Variants in CNTN1 observed in about 807,000 individuals in gnomAD.
CNTN1 encodes the protein contactin 1, also known as contactin-1.
Under a neutral mutation model 126.4 loss-of-function variants are expected in CNTN1, and 38 were observed. The observed-to-expected ratio is 0.30, with a 90% CI of 0.23 to 0.39. The LOEUF (loss-of-function observed/expected upper bound fraction) is 0.39. Among genes scored for constraint, CNTN1 ranks in the 10% least tolerant of loss-of-function variants. The pLI, the probability that CNTN1 is intolerant of heterozygous loss-of-function variation, is 1.00. For synonymous variants in CNTN1, 413 were observed against 422.6 expected, an observed-to-expected ratio of 0.98 and a Z score of 0.28; for missense variants, 1,009 against 1,248.4, an observed-to-expected ratio of 0.81 and a Z score of 2.89.
intron 23 of CNTN1, chr12:41,061,792 C>T (rs570017665): frequency 3.0e-4 from 136 of 455,804 alleles, no homozygotes; most frequent in Non-Finnish European, 5.2e-4. Context: ...AGAAGTAAAA[C>T]AGCCAAAGAT....
chr12:40,959,267 CAAAAGT>C (rs1947017968), intron 15 of CNTN1, 33 bp downstream of exon 15: 2 of 1,608,726 alleles, frequency 1.2e-6, no homozygotes, highest in African/African-American at 1.3e-5. Flanking sequence ...ATTACAAAAC[CAAAAGT>C]ATTTGACTTG....
intron 1 of CNTN1, among the ~76,000 whole-genome samples, chr12:40,836,338 GATGCAATGATATTATATTC>G (rs1465275612): frequency 1.3e-5 from 2 of 150,034 alleles, no homozygotes; most frequent in African/African-American, 4.9e-5. Context: ...CACTTTAATA[GATGCAATGATATTATATTC>G]ATGTAATATA....
intron 1 of CNTN1, among the ~76,000 whole-genome samples, chr12:40,709,251 CAATGAGCAGT>C (rs1941848462): frequency 6.6e-6 from 1 of 152,194 alleles, no homozygotes; most frequent in Admixed American, 6.5e-5. Context: ...GGTGCATTGT[CAATGAGCAGT>C]AATATTTTGA....
intron 23 of CNTN1, among the ~76,000 whole-genome samples, chr12:41,055,214 A>G (rs887871849): frequency 1.3e-5 from 2 of 152,178 alleles, no homozygotes; most frequent in Admixed American, 6.6e-5. Context: ...AGGATCAACT[A>G]TAACTTTACA....
chr12:40,980,910 C>T lies in CNTN1; in HGVS notation c.1806C>T (p.Gly602=). 1 of 1,613,754 alleles carries T rather than the reference C, an allele frequency of 6.2e-7. No homozygotes were observed. ...SSASADLVVR[G]PPGPPGGLRI... Reference sequence around the variant, plus strand: ...TCATTACCCACATTTTCATTTCAGGCCCTCCAGGCCCTCCAGGTGGTCTGA... The same window carrying T: ...TCATTACCCACATTTTCATTTCAGGTCCTCCAGGCCCTCCAGGTGGTCTGA... Residue 602 remains glycine, a splice_region_variant and synonymous_variant, in exon 16 of 24, where the codon GGC becomes GGT. Transcript: ENST00000551295.
At chr12:40,925,156 T>A (rs910220786) in intron 6 of CNTN1, among the ~76,000 whole-genome samples, 10 of 151,784 alleles carry the variant, frequency 6.6e-5, no homozygotes, top group Admixed American at 6.6e-4. Context: ...AAATTAAGTG[T>A]CATCTGTTAT....
At chr12:41,046,265 T>A (rs1291776731) in intron 23 of CNTN1, among the ~76,000 whole-genome samples, 4 of 152,176 alleles carry the variant, frequency 2.6e-5, no homozygotes, top group African/African-American at 9.7e-5. Context: ...TTTGAGGGAT[T>A]TCTGAAACTT....
intron 1 of CNTN1, among the ~76,000 whole-genome samples, chr12:40,786,445 A>G (rs1353229094): frequency 4.6e-5 from 7 of 152,162 alleles, no homozygotes; most frequent in African/African-American, 1.7e-4. Context: ...GCTTTACTTC[A>G]TTAGATAAGA....
At position 41,027,959 on chromosome 12, in the gene CNTN1, C is replaced by A; in HGVS notation, c.2813C>A (p.Thr938Lys). The change falls in exon 22 of 24, where the codon ACG becomes AAG. Residue 938 changes from threonine to lysine, a missense_variant. By Grantham distance (78) the Thr-to-Lys change is moderately conservative. Transcript: ENST00000551295. ...GCACTATCAAATGAATCTACAGTGA[C>A]GGGATATAAGGTATATACAAATAGT... ...VVALSNESTV[T>K]GYKVLYRPDG... The A allele has an allele frequency of 6.3e-7, 1 of 1,593,480 alleles. No homozygotes were observed. Among genetic ancestry groups the A allele is most frequent in the Non-Finnish European group, 8.6e-7 (1 of 1,161,316 alleles).
rs147337553 is a variant in CNTN1 at position 41,044,960 on chromosome 12, A to C, written c.2980+15741A>C. On this transcript the variant is annotated intron_variant, in intron 23 of 23. Transcript: ENST00000551295. Reference sequence around the variant, plus strand: ...TGTAAAGTTTCAACCAATTTATGATATATGCATGAATAAATTATTCATGAG... The same window carrying C: ...TGTAAAGTTTCAACCAATTTATGATCTATGCATGAATAAATTATTCATGAG... Among the ~76,000 whole-genome samples, 108 of 152,220 alleles carry C rather than the reference A, an allele frequency of 7.1e-4. 3 individuals carry two copies. In the East Asian group the frequency reaches 0.019, roughly 27 times the overall value.
intron 15 of CNTN1, among the ~76,000 whole-genome samples, chr12:40,963,821 T>C (rs1413761518): frequency 1.3e-5 from 2 of 152,068 alleles, no homozygotes; most frequent in Admixed American, 6.6e-5. Flanking sequence ...TGAACAGCCC[T>C]GTATGAATAT....
At chr12:40,910,654 T>C (rs1259297182) in intron 3 of CNTN1, among the ~76,000 whole-genome samples, 1 of 152,222 alleles carries the variant, frequency 6.6e-6, no homozygotes, top group African/African-American at 2.4e-5. Context: ...AGCCTGAATT[T>C]GCATTTTCAG....
chr12:40,858,356 CT>C (rs1158251514), intron 1 of CNTN1, among the ~76,000 whole-genome samples: 16 of 152,124 alleles, frequency 1.1e-4, no homozygotes, highest in African/African-American at 3.9e-4. Context: ...ACCAACTTAT[CT>C]GAGACCCTAA....
At chr12:41,013,736 C>T (rs1484266736) in intron 17 of CNTN1, among the ~76,000 whole-genome samples, 1 of 151,888 alleles carries the variant, frequency 6.6e-6, no homozygotes, top group Non-Finnish European at 1.5e-5. Flanking sequence ...TCACTGACGG[C>T]GCAGTTTCAG....
chr12:41,031,596 A>T (rs188100924), intron 23 of CNTN1, among the ~76,000 whole-genome samples: 1 of 152,326 alleles, frequency 6.6e-6, no homozygotes, highest in East Asian at 1.9e-4. Flanking sequence ...ATTTCAGCAT[A>T]CCACAGCTGT....
intron 1 of CNTN1, among the ~76,000 whole-genome samples, chr12:40,705,002 T>A (rs1188980600): frequency 6.6e-6 from 1 of 152,200 alleles, no homozygotes; most frequent in Non-Finnish European, 1.5e-5. Context: ...TTTCTGATAC[T>A]CTGATAACAT....
chr12:41,022,517 T>G (rs1378361608), intron 20 of CNTN1, among the ~76,000 whole-genome samples: 1 of 152,250 alleles, frequency 6.6e-6, no homozygotes, highest in African/African-American at 2.4e-5. Flanking sequence ...AGAACTGTTA[T>G]GTGAAAGATA....
intron 17 of CNTN1, 23 bp from the exon 18 acceptor site, chr12:41,014,205 A>C (rs202198217): frequency 1.1e-5 from 17 of 1,612,426 alleles, no homozygotes; most frequent in Non-Finnish European, 1.4e-5. Flanking sequence ...GTTGTTTTGC[A>C]TATATTTGTT....
intron 1 of CNTN1, among the ~76,000 whole-genome samples, chr12:40,897,891 G>A (rs978622299): frequency 6.6e-6 from 1 of 152,096 alleles, no homozygotes; most frequent in African/African-American, 2.4e-5. Context: ...ACAACTCTCT[G>A]TGAAAGAAAC....
Sources: gnomAD v4.1 joint callset for allele counts (sites outside exome capture counted in the v4.1 genomes callset) on GRCh38, gnomAD v4.1.1 for gene constraint, MANE v1.5 for transcripts, NCBI Gene and HGNC (gene_info 2026-07-23, HGNC 2026-07-21) for gene names.